Variants in TRIO observed in about 807,000 individuals in gnomAD.
TRIO encodes the protein trio Rho guanine nucleotide exchange factor, also known as triple functional domain protein.
In TRIO, 58 loss-of-function variants were observed where a neutral mutation model predicts 351.9. The observed-to-expected ratio is 0.16, with a 90% CI of 0.13 to 0.21. The LOEUF (loss-of-function observed/expected upper bound fraction) is 0.21. Ranked by LOEUF, TRIO falls within the 10% of genes least tolerant of loss-of-function variation. The pLI is 1.00. For synonymous variants in TRIO, 1,758 were observed against 1,595.7 expected (o/e 1.10, Z -2.42); for missense variants, 3,201 against 4,027.8 (o/e 0.79, Z 5.56).
intron 1 of TRIO, among the ~76,000 whole-genome samples, chr5:14,255,984 G>A (rs956815146): frequency 6.6e-6 from 1 of 152,180 alleles, no homozygotes; most frequent in Non-Finnish European, 1.5e-5. Context: ...AAACTGTAAA[G>A]AAAAATAAGG....
intron 54 of TRIO, among the ~76,000 whole-genome samples, chr5:14,504,123 C>T (rs985108689): frequency 1.3e-5 from 2 of 152,252 alleles, no homozygotes; most frequent in South Asian, 2.1e-4. Flanking sequence ...CTGTCACTTC[C>T]ACCACACGCA....
At chr5:14,405,113 A>C (rs1421407932) in intron 31 of TRIO, among the ~76,000 whole-genome samples, 2 of 151,856 alleles carry the variant, frequency 1.3e-5, no homozygotes. Flanking sequence ...AGTCTGGATC[A>C]AGTGATGTCG....
In TRIO at chr5:14,363,214, G is replaced by T. The variant is rs182746850; in HGVS notation, c.2392-518G>T. ...GGGGTTTTGCCATGTTGACCAAGCT[G>T]TTCTTGAACTCCTGACCTCAAGTGA... On this transcript the variant is annotated intron_variant, in intron 13 of 56. Coordinates refer to ENST00000344204, the MANE Select transcript of TRIO (RefSeq NM_007118.4). 1.8e-4 allele frequency among the ~76,000 whole-genome samples: 27 copies of T among 152,194 alleles called. No individual in the cohort carries two copies. In the East Asian group the frequency reaches 5.2e-3, roughly 29 times the overall value.
chr5:14,231,913 C>T (rs1434319491), intron 1 of TRIO, among the ~76,000 whole-genome samples: 4 of 150,622 alleles, frequency 2.7e-5, no homozygotes, highest in African/African-American at 7.3e-5. Context: ...AACAAATACT[C>T]GTTGGGAATC....
chr5:14,300,074 G>A (rs764389737), intron 7 of TRIO, among the ~76,000 whole-genome samples: 6 of 152,212 alleles, frequency 3.9e-5, no homozygotes, highest in South Asian at 2.1e-4. Flanking sequence ...CACAGTATCC[G>A]TTTGCAAATA....
At position 14,508,558 on chromosome 5, in the gene TRIO, G is replaced by A. The variant is rs763597605; in HGVS notation, c.*136G>A. 9.0e-7 allele frequency: 1 copy of A among 1,110,454 alleles called. No individual in the cohort carries two copies. Among genetic ancestry groups the A allele is most frequent in the Non-Finnish European group, 1.3e-6 (1 of 787,492 alleles). 68.8% of individuals were successfully genotyped at this position (1,110,454 alleles called of 1,614,324 possible). ...TGTGAAATTGCATTCCAAGTGAGCT[G>A]TGCTCAGCAGTGCTTGGACACAGAG... On this transcript the variant is annotated 3_prime_UTR_variant, in exon 57 of 57. Coordinates refer to ENST00000344204, the MANE Select transcript of TRIO (RefSeq NM_007118.4).
At chr5:14,186,725 A>C (rs942717026) in intron 1 of TRIO, among the ~76,000 whole-genome samples, 3 of 151,960 alleles carry the variant, frequency 2.0e-5, no homozygotes, top group Non-Finnish European at 4.4e-5. Context: ...TTATAGGTGC[A>C]TGCCACCACA....
chr5:14,226,006 C>G (rs1011858615), intron 1 of TRIO, among the ~76,000 whole-genome samples: 4 of 152,176 alleles, frequency 2.6e-5, no homozygotes. Context: ...ATGCTTCCTG[C>G]TCCTTTCCTT....
At chr5:14,211,106 G>A (rs913741625) in intron 1 of TRIO, among the ~76,000 whole-genome samples, 2 of 152,156 alleles carry the variant, frequency 1.3e-5, no homozygotes, top group Admixed American at 6.5e-5. Context: ...ATTATTTTTA[G>A]ACCTTTTGAC....
chr5:14,172,872 A>G lies in TRIO; in HGVS notation c.157+28990A>G, dbSNP rs528862638. ...AGGTGTCATATCCTTGAGCCTGCTG[A>G]GGGATCAGAGTGGACTCTGGAAGAG... On this transcript the variant is annotated intron_variant, in intron 1 of 56. Coordinates refer to ENST00000344204, the MANE Select transcript of TRIO (RefSeq NM_007118.4). Among the ~76,000 whole-genome samples, 17 of 152,328 alleles carry G rather than the reference A, an allele frequency of 1.1e-4. No individual in the cohort carries two copies. The South Asian group carries it at 3.3e-3, about 30-fold the overall frequency.
rs143218177 is a variant in TRIO at position 14,344,439 on chromosome 5, C to T, written c.2046+7712C>T. 2.2e-3 allele frequency among the ~76,000 whole-genome samples: 335 copies of T among 152,246 alleles called. 1 individual carries two copies. Among genetic ancestry groups the T allele is most frequent in the African/African-American group, 7.8e-3 (322 of 41,544 alleles). ...AAAATATAGTATAACAAACACACCC[C>T]CTAAATTTGCTGAGTGATCTGGGAT... On this transcript the variant is annotated intron_variant, in intron 11 of 56. Coordinates refer to ENST00000344204, the MANE Select transcript of TRIO (RefSeq NM_007118.4).
At chr5:14,418,291 G>GT (rs969612860) in intron 33 of TRIO, among the ~76,000 whole-genome samples, 2 of 152,112 alleles carry the variant, frequency 1.3e-5, no homozygotes, top group African/African-American at 4.8e-5. Flanking sequence ...GTGTGTGAGG[G>GT]TTTTGCATAA....
chr5:14,209,099 A>G (rs758008859), intron 1 of TRIO, among the ~76,000 whole-genome samples: 1 of 152,226 alleles, frequency 6.6e-6, no homozygotes, highest in Admixed American at 6.5e-5. Flanking sequence ...TAAGAGGTAG[A>G]TTACATTCCT....
chr5:14,316,829 G>T, intron 9 of TRIO, 86 bp downstream of exon 9: 1 of 1,394,316 alleles, frequency 7.2e-7, no homozygotes, highest in Non-Finnish European at 9.8e-7. Context: ...GAAGATCTGT[G>T]CTTAAGGAGT....
chr5:14,314,677 G>T (rs1345051006), intron 8 of TRIO, among the ~76,000 whole-genome samples: 1 of 152,192 alleles, frequency 6.6e-6, no homozygotes, highest in Non-Finnish European at 1.5e-5. Context: ...TCTTCACCAT[G>T]TGCTAATATC....
chr5:14,201,263 A>G (rs1561194941), intron 1 of TRIO, among the ~76,000 whole-genome samples: 1 of 152,206 alleles, frequency 6.6e-6, no homozygotes, highest in Non-Finnish European at 1.5e-5. Flanking sequence ...TCCATCTCAA[A>G]AAATAAAAAA....
At chr5:14,318,454 C>CAAAA (rs35221462) in intron 9 of TRIO, among the ~76,000 whole-genome samples, 1 of 115,534 alleles carries the variant, frequency 8.7e-6, no homozygotes, top group African/African-American at 3.3e-5. Flanking sequence ...GACTCCATCT[C>CAAAA]AAAAAAAAAA....
At chr5:14,431,985 C>T (rs1391069377) in intron 34 of TRIO, among the ~76,000 whole-genome samples, 1 of 152,226 alleles carries the variant, frequency 6.6e-6, no homozygotes, top group Non-Finnish European at 1.5e-5. Context: ...GACCTTGTTT[C>T]CAAATACAGT....
rs573741378 is a variant in TRIO at position 14,401,511 on chromosome 5, T to G, written c.4716+447T>G. ...AACCGTACCCACAGTCCTTACAGAG[T>G]CCTCAGCTCTGTGGCTTAATAGTTT... On this transcript the variant is annotated intron_variant, in intron 31 of 56. Coordinates refer to ENST00000344204, the MANE Select transcript of TRIO (RefSeq NM_007118.4). Among the ~76,000 whole-genome samples, 3 of 152,204 alleles carry G rather than the reference T, an allele frequency of 2.0e-5. No individual in the cohort carries two copies. The South Asian group carries it at 6.2e-4, about 32-fold the overall frequency.
Sources: allele counts gnomAD v4.1 joint callset (sites outside exome capture counted in the v4.1 genomes callset), GRCh38; gene constraint gnomAD v4.1.1; transcripts MANE v1.5; gene names NCBI Gene and HGNC (gene_info 2026-07-23, HGNC 2026-07-21).